The following TTC4 variants were observed in gnomAD, a reference collection of about 807,000 sequenced individuals.
TTC4 encodes tetratricopeptide repeat domain 4, also known as hsp70/Hsp90 co-chaperone CNS1 homolog.
A neutral mutation model predicts 51.9 loss-of-function variants in TTC4; 36 were observed. That is an observed-to-expected ratio of 0.69 (90% confidence interval 0.53 to 0.92). TTC4 has a LOEUF of 0.92. TTC4 is among the 40% of genes least tolerant of loss of function. The pLI is 0.00. For missense variants in TTC4, 399 were observed against 454.6 expected, an observed-to-expected ratio of 0.88 and a Z score of 1.11; for synonymous variants, 144 against 164.2, an observed-to-expected ratio of 0.88 and a Z score of 0.94.
Position 54,731,641 on chromosome 1 carries a change from C to T in TTC4, c.837C>T (p.Leu279=), listed in dbSNP as rs781155436. The T allele has an allele frequency of 2.5e-6, 4 of 1,614,108 alleles. No homozygotes were observed. Among genetic ancestry groups the T allele is most frequent in the South Asian group, 1.1e-5 (1 of 91,078 alleles). ...AGGGCAGGCTGAGCTGGCCTGTGCT[C>T]TTTCTGTACCCAGAGTATGCCCAGT... ...DGQGRLSWPV[L]FLYPEYAQSD... is the part of the protein sequence containing the mutation. The change falls in exon 7 of 10, where the codon CTC becomes CTT. Residue 279 remains leucine, a synonymous_variant. Transcript: ENST00000371281.
intron 3 of TTC4, among the ~76,000 whole-genome samples, chr1:54,720,651 G>A (rs1156862229): frequency 6.6e-6 from 1 of 151,926 alleles, no homozygotes; most frequent in Admixed American, 6.6e-5. Flanking sequence ...CATAATTCAT[G>A]TAATCATTAC....
chr1:54,726,597 A>G (rs1048173319), intron 5 of TTC4, among the ~76,000 whole-genome samples: 15 of 152,222 alleles, frequency 9.9e-5, no homozygotes, highest in African/African-American at 2.7e-4. Flanking sequence ...AATAGCATCA[A>G]AAAACACTTA....
intron 6 of TTC4, among the ~76,000 whole-genome samples, chr1:54,730,889 C>T (rs1178065058): frequency 6.6e-6 from 1 of 151,690 alleles, no homozygotes; most frequent in Non-Finnish European, 1.5e-5. Flanking sequence ...CTTCCAACTT[C>T]TCTGCTTTTC....
chr1:54,721,086 C>G (rs1201624911), intron 3 of TTC4, 77 bp from the exon 4 acceptor site: 1 of 1,370,630 alleles, frequency 7.3e-7, no homozygotes, highest in Non-Finnish European at 1.0e-6. Flanking sequence ...ACAAGAGTGT[C>G]TTTGTCACTA....
chr1:54,724,349 T>C (rs920006128), intron 5 of TTC4, among the ~76,000 whole-genome samples: 16 of 151,958 alleles, frequency 1.1e-4, no homozygotes, highest in Non-Finnish European at 1.2e-4. Context: ...TCCTGCAGCC[T>C]TGACCTCCTG....
rs1168920857 is a variant in TTC4 at position 54,735,625 on chromosome 1, C to T, written c.978+1915C>T. On this transcript the variant is annotated intron_variant, in intron 8 of 9. Transcript: ENST00000371281. Reference sequence around the variant, plus strand: ...CATTTGTCCCATTACTCATGATGTTCACTCTGATCACCTGATTGAGGTGGG... The same window carrying T: ...CATTTGTCCCATTACTCATGATGTTTACTCTGATCACCTGATTGAGGTGGG... Among the ~76,000 whole-genome samples the T allele has an allele frequency of 9.2e-5, 14 of 152,190 alleles. 1 individual carries two copies. The highest frequency in any genetic ancestry group is 9.2e-4 in the Admixed American group (14 of 15,278).
At chr1:54,728,824 G>A (rs1258357806) in intron 6 of TTC4, among the ~76,000 whole-genome samples, 1 of 152,022 alleles carries the variant, frequency 6.6e-6, no homozygotes, top group Non-Finnish European at 1.5e-5. Flanking sequence ...ACACACTGTG[G>A]CCATAATTTT....
Position 54,741,506 on chromosome 1 carries a change from T to G in TTC4, c.1157T>G (p.Ile386Arg). ...CTCCGGGGGAGAAAGGTGTACCAGATACGATGACTAAGCCAGGGCCCCTGG... is the reference window on the plus strand; with the variant it reads ...CTCCGGGGGAGAAAGGTGTACCAGAGACGATGACTAAGCCAGGGCCCCTGG... ...NFLRGRKVYQ[I>R]R The change falls in exon 10 of 10, where the codon ATA (isoleucine) becomes AGA (arginine). Residue 386 changes from isoleucine (I) to arginine (R), a missense_variant. Physicochemically the swap from Ile to Arg is moderately conservative, Grantham distance 97 (BLOSUM62 -3). Coordinates refer to ENST00000371281, the MANE Select transcript of TTC4 (RefSeq NM_004623.5). The G allele has an allele frequency of 4.3e-6, 7 of 1,613,992 alleles. No homozygotes were observed. Among genetic ancestry groups the G allele is most frequent in the Non-Finnish European group, 5.9e-6 (7 of 1,179,898 alleles).
In TTC4 at chr1:54,717,575, G is replaced by C; in HGVS notation, c.313G>C (p.Gly105Arg). The C allele has an allele frequency of 6.2e-7, 1 of 1,611,914 alleles. No individual in the cohort carries two copies. The highest frequency in any genetic ancestry group is 8.5e-7 in the Non-Finnish European group (1 of 1,179,148). Residue 105 changes from glycine to arginine, a missense_variant, in exon 3 of 10, where the codon GGC becomes CGC. This residue lies in a region of TTC4 where 316 missense variants were observed against 349.6 expected (regional missense o/e 0.90). Transcript: ENST00000371281. ...YKKAVISYTE[G>R]LKKKCADPDL... The stretch of plus-strand genomic sequence containing the variant: ...GAAAGCTGTAATTTCATACACTGAA[G>C]GCTTAAAGAAGAAATGTGCAGATCC...
At chr1:54,736,502 C>T (rs911944607) in intron 8 of TTC4, among the ~76,000 whole-genome samples, 1 of 152,060 alleles carries the variant, frequency 6.6e-6, no homozygotes, top group Admixed American at 6.5e-5. Flanking sequence ...TCCCAAGTAG[C>T]TGGGACCACA....
chr1:54,724,046 C>T (rs1377434383), intron 5 of TTC4, among the ~76,000 whole-genome samples: 1 of 152,120 alleles, frequency 6.6e-6, no homozygotes, highest in Non-Finnish European at 1.5e-5. Flanking sequence ...CTACTGGGGA[C>T]AGTCACAATT....
intron 1 of TTC4, among the ~76,000 whole-genome samples, chr1:54,716,324 A>G (rs537833911): frequency 1.3e-5 from 2 of 152,336 alleles, no homozygotes; most frequent in Non-Finnish European, 2.9e-5. Context: ...AATAGCAAAG[A>G]TGAAATGAGA....
intron 7 of TTC4, among the ~76,000 whole-genome samples, chr1:54,732,592 G>A (rs919132061): frequency 6.6e-6 from 1 of 151,422 alleles, no homozygotes; most frequent in African/African-American, 2.4e-5. Flanking sequence ...TCAAGTAGCT[G>A]GGACTACAGG....
In TTC4 at chr1:54,721,177, G is replaced by A. The variant is rs1257065010; in HGVS notation, c.406G>A (p.Ala136Thr). 3.7e-6 allele frequency: 6 copies of A among 1,613,294 alleles called. No homozygotes were observed. In the South Asian group the frequency reaches 5.5e-5, roughly 15 times the overall value. The change falls in exon 4 of 10, where the codon GCT (alanine) becomes ACT (threonine). Residue 136 changes from alanine to threonine, a missense_variant. Transcript: ENST00000371281. Reference protein sequence around the residue: ...AQYYLGNFRSALNDVTAARKL... With the variant: ...AQYYLGNFRSTLNDVTAARKL... ...TGTTTTGTTAGGCAATTTTCGTTCTGCTCTCAATGATGTGACAGCTGCCAG... is the reference window on the plus strand; with the variant it reads ...TGTTTTGTTAGGCAATTTTCGTTCTACTCTCAATGATGTGACAGCTGCCAG...
intron 8 of TTC4, among the ~76,000 whole-genome samples, chr1:54,736,197 A>AGAGAGAGC (rs1645933398): frequency 7.5e-6 from 1 of 134,026 alleles, no homozygotes; most frequent in Non-Finnish European, 1.5e-5. Context: ...AGAGAGAGAG[A>AGAGAGAGC]GAGAGAGAGA....
At chr1:54,718,567 T>A (rs1027861365) in intron 3 of TTC4, among the ~76,000 whole-genome samples, 4 of 152,044 alleles carry the variant, frequency 2.6e-5, no homozygotes, top group African/African-American at 4.8e-5. Context: ...GTTTGGAAAA[T>A]GCTGCTTCTT....
rs375828817 is a variant in TTC4, at chr1:54,741,486, G to C, written c.1137G>C (p.Arg379=). The C allele has an allele frequency of 3.1e-6, 5 of 1,614,082 alleles. No homozygotes were observed. The highest frequency in any genetic ancestry group is 1.7e-5 in the Admixed American group (1 of 60,016). Residue 379 remains arginine (R), a synonymous_variant, in exon 10 of 10, where the codon CGG becomes CGC. Transcript: ENST00000371281. ...GSSPFCKNFL[R]GRKVYQIR Reference sequence around the variant, plus strand: ...CTCCTTTTTGCAAGAATTTTCTCCGGGGGAGAAAGGTGTACCAGATACGAT... The same window carrying C: ...CTCCTTTTTGCAAGAATTTTCTCCGCGGGAGAAAGGTGTACCAGATACGAT...
chr1:54,740,853 C>T (rs1044884716), intron 9 of TTC4, among the ~76,000 whole-genome samples: 6 of 152,116 alleles, frequency 3.9e-5, no homozygotes, highest in Non-Finnish European at 8.8e-5. Context: ...CTTTTGCTCC[C>T]CAACCCCCAT....
intron 9 of TTC4, among the ~76,000 whole-genome samples, chr1:54,738,190 C>A (rs1645969823): frequency 4.6e-5 from 7 of 152,168 alleles, no homozygotes; most frequent in Admixed American, 3.9e-4. Flanking sequence ...CATGAGCCAC[C>A]ACTCCCGGTC....
Sources: allele counts gnomAD v4.1 joint callset (sites outside exome capture counted in the v4.1 genomes callset), GRCh38; gene constraint gnomAD v4.1.1; regional missense constraint gnomAD v4.1.1; transcripts MANE v1.5; gene names NCBI Gene and HGNC (gene_info 2026-07-23, HGNC 2026-07-21).